Variants in CD226 observed in about 807,000 individuals in gnomAD.
CD226 encodes the protein CD226 molecule.
CD226 carries 24 observed loss-of-function variants against 34.9 expected under a neutral mutation model. That is an observed-to-expected ratio of 0.69 (90% CI 0.50 to 0.97). The LOEUF is 0.97. Ranked by LOEUF, CD226 falls within the 50% of genes least tolerant of loss-of-function variation. The pLI is 0.00. For missense variants in CD226, 397 were observed against 412.7 expected (o/e 0.96, Z 0.33); for synonymous variants, 148 against 147.4 (o/e 1.00, Z -0.03).
intron 2 of CD226, among the ~76,000 whole-genome samples, chr18:69,914,581 G>A (rs2055363520): frequency 1.3e-5 from 2 of 152,138 alleles, no homozygotes; most frequent in South Asian, 4.1e-4. Context: ...AGAAGAAAAG[G>A]CAAGATAGAC....
chr18:69,929,855 AT>A (rs1340139644), intron 2 of CD226, among the ~76,000 whole-genome samples: 1 of 152,130 alleles, frequency 6.6e-6, no homozygotes, highest in African/African-American at 2.4e-5. Context: ...AACATCGAAT[AT>A]ATTATGAAAT....
rs903684654 is a variant in CD226, at chr18:69,853,356, G to C, written c.*10958C>G. The C allele has an allele frequency of 1.3e-5, 2 of 152,042 alleles. No individual in the cohort carries two copies. The highest frequency in any genetic ancestry group is 2.9e-5 in the Non-Finnish European group (2 of 68,018). The allele number at this position is 152,042 out of a possible 1,614,324, so 9.4% of individuals were successfully genotyped here. ...TTCCACAAACAAACGTTGCATAAAAGGCCTCAGGACGTATAGACCTTCTGC... is the reference window on the plus strand; with the variant it reads ...TTCCACAAACAAACGTTGCATAAAACGCCTCAGGACGTATAGACCTTCTGC... On this transcript the variant is annotated 3_prime_UTR_variant, in exon 6 of 6. Transcript: ENST00000582621.
intron 2 of CD226, among the ~76,000 whole-genome samples, chr18:69,921,800 G>C (rs993206005): frequency 2.0e-5 from 3 of 152,118 alleles, no homozygotes; most frequent in Non-Finnish European, 2.9e-5. Flanking sequence ...TTTATTCTTA[G>C]TCTTACTGCT....
chr18:69,904,922 A>G (rs138109457), intron 2 of CD226, among the ~76,000 whole-genome samples: 1 of 152,362 alleles, frequency 6.6e-6, no homozygotes, highest in African/African-American at 2.4e-5. Context: ...TAGAGAATAG[A>G]TTGTTAGTGA....
intron 3 of CD226, among the ~76,000 whole-genome samples, chr18:69,876,124 T>C (rs1983849141): frequency 6.6e-6 from 1 of 152,236 alleles, no homozygotes; most frequent in Non-Finnish European, 1.5e-5. Flanking sequence ...GCAATTGTTT[T>C]CTTTGGGCTT....
chr18:69,866,412 A>G (rs1216690596), intron 5 of CD226, among the ~76,000 whole-genome samples: 1 of 152,196 alleles, frequency 6.6e-6, no homozygotes, highest in African/African-American at 2.4e-5. Flanking sequence ...CTAGTCTTTT[A>G]GTTAAACACT....
intron 3 of CD226, among the ~76,000 whole-genome samples, chr18:69,888,899 TCTTA>T (rs545015115): frequency 1.2e-3 from 190 of 152,244 alleles, no homozygotes; most frequent in Non-Finnish European, 2.2e-3. Flanking sequence ...TTATTCAATA[TCTTA>T]CTTATCTATA....
chr18:69,907,541 C>A (rs752191276), intron 2 of CD226, among the ~76,000 whole-genome samples: 5 of 152,188 alleles, frequency 3.3e-5, no homozygotes, highest in Non-Finnish European at 7.4e-5. Flanking sequence ...AACTCCTGAT[C>A]TCAAGTGGTC....
intron 2 of CD226, among the ~76,000 whole-genome samples, chr18:69,910,710 C>T (rs534308383): frequency 6.6e-6 from 1 of 152,212 alleles, no homozygotes; most frequent in South Asian, 2.1e-4. Context: ...ACAAACATAC[C>T]ACAATAATGT....
At chr18:69,882,757 G>A (rs1367922793) in intron 3 of CD226, among the ~76,000 whole-genome samples, 27 of 152,204 alleles carry the variant, frequency 1.8e-4, no homozygotes. Flanking sequence ...AGCAGGCTTG[G>A]ATTCTGGGTG....
Position 69,863,336 on chromosome 18 carries a change from T to C in CD226, c.*978A>G, listed in dbSNP as rs2145168796. ...ACATATTAAAAATAATTCTCAAAAG[T>C]AGACAAAATATGTCCAAAACATTAA... On this transcript the variant is annotated 3_prime_UTR_variant, in exon 6 of 6. Coordinates refer to ENST00000582621, the MANE Select transcript of CD226 (RefSeq NM_001303618.2). The C allele has an allele frequency of 6.6e-6, 1 of 152,306 alleles. No homozygotes were observed. Among genetic ancestry groups the C allele is most frequent in the South Asian group, 2.1e-4 (1 of 4,826 alleles). The allele number at this position is 152,306 out of a possible 1,614,324, so 9.4% of individuals were successfully genotyped here.
At chr18:69,946,117 G>A (rs532369200) in intron 2 of CD226, among the ~76,000 whole-genome samples, 12 of 142,238 alleles carry the variant, frequency 8.4e-5, no homozygotes, top group Middle Eastern at 3.9e-3. Flanking sequence ...CCAGGAGCTG[G>A]AGGTTGCAGT....
At chr18:69,955,939 T>C (rs528095635) in intron 1 of CD226, among the ~76,000 whole-genome samples, 2 of 151,814 alleles carry the variant, frequency 1.3e-5, no homozygotes, top group Non-Finnish European at 2.9e-5. Context: ...AATAATCTCA[T>C]TAAGAGAACC....
chr18:69,924,100 A>G (rs2055490495), intron 2 of CD226, among the ~76,000 whole-genome samples: 1 of 152,154 alleles, frequency 6.6e-6, no homozygotes, highest in Non-Finnish European at 1.5e-5. Context: ...TACAAGGGAG[A>G]AACGAGCTTC....
intron 3 of CD226, among the ~76,000 whole-genome samples, chr18:69,873,599 C>A (rs1367783692): frequency 6.6e-6 from 1 of 151,978 alleles, no homozygotes; most frequent in South Asian, 2.1e-4. Flanking sequence ...AGGAAATAGG[C>A]CAGGTGTAGT....
intron 2 of CD226, among the ~76,000 whole-genome samples, chr18:69,919,585 T>C (rs1394180439): frequency 6.6e-6 from 1 of 152,080 alleles, no homozygotes; most frequent in Non-Finnish European, 1.5e-5. Flanking sequence ...ATTTTAAGAG[T>C]AAATAAATGC....
chr18:69,931,925 G>C lies in CD226; in HGVS notation c.382+14809C>G, dbSNP rs185518427. 3.9e-5 allele frequency among the ~76,000 whole-genome samples: 6 copies of C among 152,178 alleles called. No individual in the cohort carries two copies. The East Asian group carries it at 1.2e-3, about 29-fold the overall frequency. On this transcript the variant is annotated intron_variant, in intron 2 of 5. Coordinates refer to ENST00000582621, the MANE Select transcript of CD226 (RefSeq NM_001303618.2). ...CAGAAACTTATTTTATCGCAATTCT[G>C]CAGGCTAGAAACCCAAAATTCAGGT...
chr18:69,936,137 G>A (rs1475446801), intron 2 of CD226, among the ~76,000 whole-genome samples: 2 of 152,182 alleles, frequency 1.3e-5, no homozygotes, highest in African/African-American at 4.8e-5. Context: ...GTGCCTGTAC[G>A]TGAATTCCAC....
At chr18:69,890,039 TGA>T (rs1984795543) in intron 3 of CD226, among the ~76,000 whole-genome samples, 2 of 152,220 alleles carry the variant, frequency 1.3e-5, no homozygotes, top group Non-Finnish European at 2.9e-5. Flanking sequence ...TCACTGTAGT[TGA>T]TCTTTTGAAA....
Sources: allele counts gnomAD v4.1 joint callset (sites outside exome capture counted in the v4.1 genomes callset), GRCh38; gene constraint gnomAD v4.1.1; transcripts MANE v1.5; gene names NCBI Gene and HGNC (gene_info 2026-07-23, HGNC 2026-07-21).